HAND2: variants seen among roughly 807,000 people sequenced by gnomAD.
The protein encoded by HAND2 is heart- and neural crest derivatives-expressed protein 2.
Under a neutral mutation model 14.7 loss-of-function variants are expected in HAND2, and 2 were observed. The ratio of observed to expected loss-of-function variants is 0.14; its 90% CI spans 0.06 to 0.43. HAND2 has a LOEUF of 0.43. Ranked by LOEUF, HAND2 falls within the 20% of genes least tolerant of loss-of-function variation. The pLI, the probability that HAND2 is intolerant of heterozygous loss-of-function variation, is 0.99. For synonymous variants in HAND2, 162 were observed against 135.9 expected (o/e 1.19, Z -1.34); for missense variants, 275 against 313.6 (o/e 0.88, Z 0.93).
At chr4:173,527,618 C>A in intron 1 of HAND2, 1 of 542,390 alleles carries the variant, frequency 1.8e-6, no homozygotes, top group East Asian at 3.1e-5. Context: ...AACAACCGCC[C>A]GTTTTCGAGT....
rs1455333987 is a variant in HAND2, at chr4:173,528,722, C to T, written c.555+13G>A. The stretch of plus-strand genomic sequence containing the variant: ...CCCCTCAGCCCCACCGCCTGCCGCC[C>T]CCTGGTACTGACCAGCTCCTTCTTC... On this transcript the variant is annotated intron_variant, in intron 1 of 1. Coordinates refer to ENST00000359562, the MANE Select transcript of HAND2 (RefSeq NM_021973.3). The surrounding 1 kb of genome is among the most constrained non-coding windows in gnomAD (Gnocchi z 5.6). 1.9e-6 allele frequency: 3 copies of T among 1,609,646 alleles called. No individual in the cohort carries two copies. Among genetic ancestry groups the T allele is most frequent in the Admixed American group, 3.4e-5 (2 of 59,380 alleles).
At position 173,529,257 on chromosome 4, in the gene HAND2, C is replaced by T. The variant is rs1036707221; in HGVS notation, c.33G>A (p.Pro11=). 2.9e-6 allele frequency: 4 copies of T among 1,376,040 alleles called. No individual in the cohort carries two copies. The African/African-American group carries it at 4.6e-5, about 16-fold the overall frequency. 85.2% of individuals were successfully genotyped at this position (1,376,040 alleles called of 1,614,324 possible). A position where few individuals can be genotyped will look rare whatever the true frequency, so the allele number is the denominator to read the frequency against. MSLVGGFPHH[P]VVHHEGYPFA... is the part of the protein sequence containing the mutation. ...ACGGGTAGCCCTCGTGGTGCACCAC[C>T]GGGTGGTGGGGAAAACCACCTACCA... Residue 11 remains proline (P), a synonymous_variant, in exon 1 of 2, where the codon CCG becomes CCA. Coordinates refer to ENST00000359562, the MANE Select transcript of HAND2 (RefSeq NM_021973.3).
In HAND2 at chr4:173,529,424, G is replaced by C. The variant is rs1275756642; in HGVS notation, c.-135C>G. 4.2e-5 allele frequency: 13 copies of C among 309,598 alleles called. No individual in the cohort carries two copies. The highest frequency in any genetic ancestry group is 5.0e-5 in the Non-Finnish European group (12 of 239,624). 19.2% of individuals were successfully genotyped at this position (309,598 alleles called of 1,614,324 possible). On this transcript the variant is annotated 5_prime_UTR_variant, in exon 1 of 2. Transcript: ENST00000359562. Reference sequence around the variant, plus strand: ...AGCCCCCGGGCGCCCGGGCCCGCCCGGCAGCCGCAGAGGGGGCTGCTGCAG... The same window carrying C: ...AGCCCCCGGGCGCCCGGGCCCGCCCCGCAGCCGCAGAGGGGGCTGCTGCAG...
At position 173,526,920 on chromosome 4, in the gene HAND2, T is replaced by C. The variant is rs1031031775; in HGVS notation, c.*357A>G. Reference sequence around the variant, plus strand: ...GCCCACTGTCTTTATCTGGAAGGGGTTGAGTAGGTTGGCGGGGGGCAACGC... The same window carrying C: ...GCCCACTGTCTTTATCTGGAAGGGGCTGAGTAGGTTGGCGGGGGGCAACGC... On this transcript the variant is annotated 3_prime_UTR_variant, in exon 2 of 2. Coordinates refer to ENST00000359562, the MANE Select transcript of HAND2 (RefSeq NM_021973.3). 6 of 509,012 alleles carry C rather than the reference T, an allele frequency of 1.2e-5. No individual in the cohort carries two copies. The highest frequency in any genetic ancestry group is 9.1e-5 in the Admixed American group (4 of 44,084). 31.5% of individuals were successfully genotyped at this position (509,012 alleles called of 1,614,324 possible). A position where few individuals can be genotyped will look rare whatever the true frequency, so the allele number is the denominator to read the frequency against.
At position 173,527,203 on chromosome 4, in the gene HAND2, C is replaced by A; in HGVS notation, c.*74G>T. 2 of 994,436 alleles carry A rather than the reference C, an allele frequency of 2.0e-6. No individual in the cohort carries two copies. Among genetic ancestry groups the A allele is most frequent in the Non-Finnish European group, 3.2e-6 (2 of 624,424 alleles). The allele number at this position is 994,436 out of a possible 1,614,324, so 61.6% of individuals were successfully genotyped here. On this transcript the variant is annotated 3_prime_UTR_variant, in exon 2 of 2. Coordinates refer to ENST00000359562, the MANE Select transcript of HAND2 (RefSeq NM_021973.3). Reference sequence around the variant, plus strand: ...CAGAGCGGAGCGCGGACGGCTTTTCCGGAGTCCTGGGTCTGCATCTGGCGC... The same window carrying A: ...CAGAGCGGAGCGCGGACGGCTTTTCAGGAGTCCTGGGTCTGCATCTGGCGC...
At position 173,529,393 on chromosome 4, in the gene HAND2, C is replaced by A; in HGVS notation, c.-104G>T. On this transcript the variant is annotated 5_prime_UTR_variant, in exon 1 of 2. Transcript: ENST00000359562. ...GCTCGGCGTCCTCCCCCACCCCCCACCCCCCAGCCCCCGGGCGCCCGGGCC... is the reference window on the plus strand; with the variant it reads ...GCTCGGCGTCCTCCCCCACCCCCCAACCCCCAGCCCCCGGGCGCCCGGGCC... 5 of 810,472 alleles carry A rather than the reference C, an allele frequency of 6.2e-6. No homozygotes were observed. Among genetic ancestry groups the A allele is most frequent in the East Asian group, 4.6e-5 (1 of 21,688 alleles). The allele number at this position is 810,472 out of a possible 1,614,324, so 50.2% of individuals were successfully genotyped here. A position where few individuals can be genotyped will look rare whatever the true frequency, so the allele number is the denominator to read the frequency against.
chr4:173,527,780 G>A, intron 1 of HAND2: 1 of 196,702 alleles, frequency 5.1e-6, no homozygotes, highest in Non-Finnish European at 1.1e-5. Flanking sequence ...TTCGGCCTGG[G>A]CCTCTCGGCC....
At position 173,528,661 on chromosome 4, in the gene HAND2, C is replaced by T; in HGVS notation, c.555+74G>A. The T allele has an allele frequency of 2.6e-6, 4 of 1,535,464 alleles. No individual in the cohort carries two copies. The highest frequency in any genetic ancestry group is 3.5e-6 in the Non-Finnish European group (4 of 1,136,414). ...GAACACGAGATGCCATTTCTCAGCC[C>T]AATTGGAAAGAGGCCGGGAGCACCA... is the stretch of plus-strand genomic sequence containing the variant. On this transcript the variant is annotated intron_variant, in intron 1 of 1. Transcript: ENST00000359562. This position sits in a 1 kb window ranked among gnomAD's most constrained non-coding sequence, Gnocchi z 5.6.
Position 173,529,303 on chromosome 4 carries a change from C to G in HAND2, c.-14G>C. The stretch of plus-strand genomic sequence containing the variant: ...TACCAGACTCATTTCGCCCTCCGCG[C>G]CCCTCCACGCGCCCCAGCGTGCGCG... On this transcript the variant is annotated 5_prime_UTR_variant, in exon 1 of 2. Coordinates refer to ENST00000359562, the MANE Select transcript of HAND2 (RefSeq NM_021973.3). 1 of 1,307,392 alleles carries G rather than the reference C, an allele frequency of 7.6e-7. No homozygotes were observed. Among genetic ancestry groups the G allele is most frequent in the Non-Finnish European group, 9.6e-7 (1 of 1,036,408 alleles). 81.0% of individuals were successfully genotyped at this position (1,307,392 alleles called of 1,614,324 possible). A position where few individuals can be genotyped will look rare whatever the true frequency, so the allele number is the denominator to read the frequency against.
rs749318216 is a variant in HAND2 at position 173,529,096 on chromosome 4, C to G, written c.194G>C (p.Ser65Thr). The G allele has an allele frequency of 6.6e-7, 1 of 1,512,122 alleles. No individual in the cohort carries two copies. The highest frequency in any genetic ancestry group is 2.4e-5 in the Admixed American group (1 of 40,938). The allele number at this position is 1,512,122 out of a possible 1,614,324, so 93.7% of individuals were successfully genotyped here. A position where few individuals can be genotyped will look rare whatever the true frequency, so the allele number is the denominator to read the frequency against. ...GGCGGCGCCGCTGGCATACTCGGGGCTGTAGGACAGGGCCATGCTGTAGTC... is the reference window on the plus strand; with the variant it reads ...GGCGGCGCCGCTGGCATACTCGGGGGTGTAGGACAGGGCCATGCTGTAGTC... ...PPDYSMALSY[S>T]PEYASGAAGL... Residue 65 changes from serine (S) to threonine (T), a missense_variant, in exon 1 of 2, where the codon AGC becomes ACC. By Grantham distance (58) the Ser-to-Thr change is moderately conservative. This residue lies in a region of HAND2 where 175 missense variants were observed against 157.1 expected (regional missense o/e 1.11). Transcript: ENST00000359562.
At position 173,527,234 on chromosome 4, in the gene HAND2, C is replaced by A. The variant is rs186309406; in HGVS notation, c.*43G>T. 1,830 of 1,363,748 alleles carry A rather than the reference C, an allele frequency of 1.3e-3. 15 individuals carry two copies. In the African/African-American group the frequency reaches 0.018, roughly 13 times the overall value. 84.5% of individuals were successfully genotyped at this position (1,363,748 alleles called of 1,614,324 possible). A position where few individuals can be genotyped will look rare whatever the true frequency, so the allele number is the denominator to read the frequency against. The stretch of plus-strand genomic sequence containing the variant: ...CCTGGGTCTGCATCTGGCGCCTTGG[C>A]CCCTGCTCACTCGCGCTCTCCTCCT... On this transcript the variant is annotated 3_prime_UTR_variant, in exon 2 of 2. Transcript: ENST00000359562.
Position 173,526,855 on chromosome 4 carries a change from A to G in HAND2, c.*422T>C, listed in dbSNP as rs957979380. The G allele has an allele frequency of 1.0e-5, 4 of 400,634 alleles. No homozygotes were observed. Among genetic ancestry groups the G allele is most frequent in the African/African-American group, 2.1e-5 (1 of 47,700 alleles). 24.8% of individuals were successfully genotyped at this position (400,634 alleles called of 1,614,324 possible). A position where few individuals can be genotyped will look rare whatever the true frequency, so the allele number is the denominator to read the frequency against. ...TAATACCCAGGAATATTTATATCCA[A>G]AGGCCAAGTATTAAAGATACACTTC... is the stretch of plus-strand genomic sequence containing the variant. On this transcript the variant is annotated 3_prime_UTR_variant, in exon 2 of 2. Coordinates refer to ENST00000359562, the MANE Select transcript of HAND2 (RefSeq NM_021973.3).
At chr4:173,527,468 A>C in intron 1 of HAND2, 93 bp from the exon 2 acceptor site, 2 of 850,462 alleles carry the variant, frequency 2.4e-6, no homozygotes, top group Non-Finnish European at 2.0e-6. Flanking sequence ...CCTGCGCCGG[A>C]GGAGACAGTG....
chr4:173,528,709 A>G lies in HAND2; in HGVS notation c.555+26T>C, dbSNP rs534469051. ...CCAGTTCCCTGACCCCCTCAGCCCCACCGCCTGCCGCCCCCTGGTACTGAC... is the reference window on the plus strand; with the variant it reads ...CCAGTTCCCTGACCCCCTCAGCCCCGCCGCCTGCCGCCCCCTGGTACTGAC... On this transcript the variant is annotated intron_variant, in intron 1 of 1. Coordinates refer to ENST00000359562, the MANE Select transcript of HAND2 (RefSeq NM_021973.3). The surrounding 1 kb of genome is among the most constrained non-coding windows in gnomAD (Gnocchi z 5.6). 1 of 1,601,068 alleles carries G rather than the reference A, an allele frequency of 6.2e-7. No individual in the cohort carries two copies. Among genetic ancestry groups the G allele is most frequent in the Admixed American group, 1.7e-5 (1 of 58,202 alleles).
intron 1 of HAND2, chr4:173,527,902 A>G (rs1192081742): frequency 6.2e-6 from 1 of 162,122 alleles, no homozygotes; most frequent in Non-Finnish European, 1.4e-5. Flanking sequence ...CAGGGGCCAA[A>G]GAAGAAAAAT....
In HAND2 at chr4:173,526,714, G is replaced by A. The variant is rs1416488262; in HGVS notation, c.*563C>T. 3.5e-6 allele frequency: 1 copy of A among 284,836 alleles called. No homozygotes were observed. The highest frequency in any genetic ancestry group is 2.2e-5 in the African/African-American group (1 of 45,844). The allele number at this position is 284,836 out of a possible 1,614,324, so 17.6% of individuals were successfully genotyped here. A position where few individuals can be genotyped will look rare whatever the true frequency, so the allele number is the denominator to read the frequency against. Reference sequence around the variant, plus strand: ...TAGAGGACGGAAGTGCACAAAACAAGTGGCTGTTGGAAACATCTTCAAAGA... The same window carrying A: ...TAGAGGACGGAAGTGCACAAAACAAATGGCTGTTGGAAACATCTTCAAAGA... On this transcript the variant is annotated 3_prime_UTR_variant, in exon 2 of 2. Transcript: ENST00000359562.
At position 173,529,202 on chromosome 4, in the gene HAND2, C is replaced by T; in HGVS notation, c.88G>A (p.Ala30Thr). ...FAAAAAAAAA[A>T]AASRCSHEEN... ...TCATGGCTGCAGCGGCTGGCGGCGG[C>T]GGCGGCAGCTGCGGCGGCGGCGGCG... is the stretch of plus-strand genomic sequence containing the variant. The change falls in exon 1 of 2, where the codon GCC becomes ACC. Residue 30 changes from alanine (A) to threonine (T), a missense_variant. By Grantham distance (58) the Ala-to-Thr change is moderately conservative. Around this residue, in one of 4 missense-constraint regions of HAND2, gnomAD observed 175 missense variants for 157.1 expected, o/e 1.11. Transcript: ENST00000359562. The T allele has an allele frequency of 1.4e-6, 2 of 1,427,840 alleles. No individual in the cohort carries two copies. The highest frequency in any genetic ancestry group is 1.6e-5 in the South Asian group (1 of 62,192). 88.4% of individuals were successfully genotyped at this position (1,427,840 alleles called of 1,614,324 possible). A position where few individuals can be genotyped will look rare whatever the true frequency, so the allele number is the denominator to read the frequency against.
Position 173,528,837 on chromosome 4 carries a change from G to C in HAND2, c.453C>G (p.Leu151=), listed in dbSNP as rs1731594107. 36 of 1,614,124 alleles carry C rather than the reference G, an allele frequency of 2.2e-5. No homozygotes were observed. Among genetic ancestry groups the C allele is most frequent in the Non-Finnish European group, 2.8e-5 (33 of 1,180,046 alleles). ...GGTCGTCCTTGGCCAGCAGGTCCAT[G>C]AGGTAGGCGATGTAGCTGGTGGCCA... The part of the protein sequence containing the change: ...LRLATSYIAY[L]MDLLAKDDQN... Residue 151 remains leucine, a synonymous_variant, in exon 1 of 2, where the codon CTC becomes CTG. Coordinates refer to ENST00000359562, the MANE Select transcript of HAND2 (RefSeq NM_021973.3). The surrounding 1 kb of genome is among the most constrained non-coding windows in gnomAD (Gnocchi z 5.6).
At position 173,528,990 on chromosome 4, in the gene HAND2, G is replaced by C. The variant is rs1306665483; in HGVS notation, c.300C>G (p.Arg100=). The change falls in exon 1 of 2, where the codon CGC becomes CGG. Residue 100 remains arginine (R), a synonymous_variant. Transcript: ENST00000359562. This position sits in a 1 kb window ranked among gnomAD's most constrained non-coding sequence, Gnocchi z 5.6. ...GCTCCTTGCGGTTGGCGGTGCCTCG[G>C]CGCTTCACCGGGCGCGGCCCCCCCA... The part of the protein sequence containing the change: ...PGLGGPRPVK[R]RGTANRKERR... The C allele has an allele frequency of 3.1e-6, 5 of 1,611,434 alleles. No homozygotes were observed. The African/African-American group carries it at 4.0e-5, about 13-fold the overall frequency.
Sources: gnomAD v4.1 joint callset for allele counts on GRCh38, gnomAD v4.1.1 for gene constraint, gnomAD v4.1.1 regional missense constraint, Gnocchi (gnomAD v3.1) non-coding constraint, MANE v1.5 for transcripts, NCBI Gene and HGNC (gene_info 2026-07-23, HGNC 2026-07-21) for gene names.